LRRC7: variants seen among roughly 807,000 people sequenced by gnomAD.
LRRC7 encodes leucine-rich repeat-containing protein 7.
In LRRC7, 23 loss-of-function variants were observed where a neutral mutation model predicts 175.7. The ratio of observed to expected loss-of-function variants is 0.13; its 90% CI spans 0.09 to 0.19. The LOEUF is 0.19. LRRC7 is among the 10% of genes least tolerant of loss of function. LRRC7 has a pLI of 1.00. For synonymous variants in LRRC7, 685 were observed against 680.9 expected (o/e 1.01, Z -0.09); for missense variants, 1,354 against 1,904.7 (o/e 0.71, Z 5.38).
intron 2 of LRRC7, among the ~76,000 whole-genome samples, chr1:69,729,630 C>T (rs1667345772): frequency 6.6e-6 from 1 of 152,240 alleles, no homozygotes; most frequent in Non-Finnish European, 1.5e-5. Context: ...AGCCCTGCCC[C>T]TGTGGCTTTG....
At chr1:69,962,118 A>G (rs191347954) in intron 8 of LRRC7, among the ~76,000 whole-genome samples, 1 of 152,292 alleles carries the variant, frequency 6.6e-6, no homozygotes, top group Admixed American at 6.5e-5. Context: ...TCCAGCATCT[A>G]TAAGGAATTA....
rs563258234 is a variant in LRRC7, at chr1:69,661,899, A to T, written c.3-16482A>T. The stretch of plus-strand genomic sequence containing the variant: ...CATGCTTTTCTTACAAAAGCATTAC[A>T]TTCCCTCCACACACATTTTTTATTC... On this transcript the variant is annotated intron_variant, in intron 1 of 26. Coordinates refer to ENST00000651989, the MANE Select transcript of LRRC7 (RefSeq NM_001370785.2). 6.8e-4 allele frequency among the ~76,000 whole-genome samples: 104 copies of T among 152,262 alleles called. 1 individual carries two copies. The highest frequency in any genetic ancestry group is 1.0e-3 in the Non-Finnish European group (70 of 67,990).
chr1:69,921,135 G>C (rs1302182111), intron 7 of LRRC7, among the ~76,000 whole-genome samples: 1 of 152,146 alleles, frequency 6.6e-6, no homozygotes, highest in African/African-American at 2.4e-5. Flanking sequence ...GATCTGGGGG[G>C]AGAAAGGAGA....
intron 2 of LRRC7, among the ~76,000 whole-genome samples, chr1:69,742,451 A>G (rs182934202): frequency 0.012 from 1,594 of 129,488 alleles, 34 homozygotes; most frequent in African/African-American, 0.04. Flanking sequence ...TTATATAATC[A>G]TATATTTTAT....
chr1:69,689,432 T>C (rs1661571744), intron 2 of LRRC7, among the ~76,000 whole-genome samples: 2 of 138,872 alleles, frequency 1.4e-5, no homozygotes, highest in African/African-American at 5.6e-5. Flanking sequence ...ATTCATCTTC[T>C]GCTTAACCCT....
At chr1:70,029,304 A>G (rs1157780435) in intron 18 of LRRC7, among the ~76,000 whole-genome samples, 1 of 152,174 alleles carries the variant, frequency 6.6e-6, no homozygotes, top group Non-Finnish European at 1.5e-5. Flanking sequence ...TAGTTGAGTG[A>G]TGGAGAATAT....
chr1:70,036,297 G>A, intron 19 of LRRC7, 65 bp downstream of exon 19: 2 of 1,450,490 alleles, frequency 1.4e-6, no homozygotes, highest in East Asian at 2.3e-5. Flanking sequence ...ATCGCCAGTT[G>A]TAAATTATGA....
At chr1:70,103,798 A>T (rs563181638) in intron 25 of LRRC7, among the ~76,000 whole-genome samples, 1 of 152,266 alleles carries the variant, frequency 6.6e-6, no homozygotes, top group African/African-American at 2.4e-5. Flanking sequence ...ATGGTATGTA[A>T]ATTAAACTTG....
chr1:69,756,986 C>T (rs1016988582), intron 2 of LRRC7, among the ~76,000 whole-genome samples: 1 of 151,866 alleles, frequency 6.6e-6, no homozygotes, highest in African/African-American at 2.4e-5. Context: ...GGGGAAAAAC[C>T]CCTACAAAGT....
chr1:69,673,515 C>G (rs541031225), intron 1 of LRRC7, among the ~76,000 whole-genome samples: 14 of 152,302 alleles, frequency 9.2e-5, no homozygotes, highest in African/African-American at 3.4e-4. Flanking sequence ...TTGAGAGTAG[C>G]TAGAACAGCT....
rs1192681509 is a variant in LRRC7 at position 70,036,759 on chromosome 1, T to G, written c.2288+135T>G. The G allele has an allele frequency of 3.3e-6, 3 of 902,368 alleles. No individual in the cohort carries two copies. In the East Asian group the frequency reaches 7.7e-5, roughly 23 times the overall value. 55.9% of individuals were successfully genotyped at this position (902,368 alleles called of 1,614,324 possible). A position where few individuals can be genotyped will look rare whatever the true frequency, so the allele number is the denominator to read the frequency against. On this transcript the variant is annotated intron_variant, in intron 20 of 26. Transcript: ENST00000651989. ...AAGACAGAAGGGGCAGGTAAGCAAA[T>G]GTTGTTCGCCTGGGACTGCCAGGAA...
chr1:69,889,496 G>A (rs1469157419), intron 7 of LRRC7, among the ~76,000 whole-genome samples: 1 of 152,114 alleles, frequency 6.6e-6, no homozygotes, highest in Non-Finnish European at 1.5e-5. Context: ...TCTTTACCAG[G>A]AGTAGATTCC....
chr1:69,818,389 A>G (rs1001842910), intron 4 of LRRC7, among the ~76,000 whole-genome samples: 4 of 151,968 alleles, frequency 2.6e-5, no homozygotes, highest in Admixed American at 6.6e-5. Flanking sequence ...CTTATCCTTC[A>G]TTCTCTTGAT....
At chr1:69,810,877 A>ATC in intron 4 of LRRC7, among the ~76,000 whole-genome samples, 1 of 152,296 alleles carries the variant, frequency 6.6e-6, no homozygotes, top group South Asian at 2.1e-4. Context: ...AGACCTCATG[A>ATC]CTAAAACACC....
In LRRC7 at chr1:70,135,293, C is replaced by G. The variant is rs1045544903; in HGVS notation, c.*13406C>G. 6.6e-6 allele frequency among the ~76,000 whole-genome samples: 1 copy of G among 152,216 alleles called. No individual in the cohort carries two copies. Among genetic ancestry groups the G allele is most frequent in the African/African-American group, 2.4e-5 (1 of 41,458 alleles). The stretch of plus-strand genomic sequence containing the variant: ...CAGGAGCAGGCTATGATCATCTCCT[C>G]AAAGCACGGGGGCTTGTGGCTTATT... On this transcript the variant is annotated 3_prime_UTR_variant, in exon 27 of 27. Coordinates refer to ENST00000651989, the MANE Select transcript of LRRC7 (RefSeq NM_001370785.2).
rs1284503527 is a variant in LRRC7 at position 70,122,034 on chromosome 1, CT to C, written c.*149del. 12 of 543,210 alleles carry C rather than the reference CT, an allele frequency of 2.2e-5. No homozygotes were observed. The highest frequency in any genetic ancestry group is 3.6e-5 in the Non-Finnish European group (11 of 305,540). 33.6% of individuals were successfully genotyped at this position (543,210 alleles called of 1,614,324 possible). On this transcript the variant is annotated 3_prime_UTR_variant, in exon 27 of 27. Transcript: ENST00000651989. The stretch of plus-strand genomic sequence containing the variant: ...ATACTATATGTTAGCACTGACCATC[CT>C]TAAAAAATGTTAACTCTATAAATAT...
chr1:69,725,827 T>G (rs1330355848), intron 2 of LRRC7, among the ~76,000 whole-genome samples: 1 of 152,210 alleles, frequency 6.6e-6, no homozygotes, highest in Non-Finnish European at 1.5e-5. Context: ...GAGCCCCACA[T>G]GACCCAGCAG....
chr1:69,978,468 C>T (rs1248659505), intron 8 of LRRC7, among the ~76,000 whole-genome samples: 2 of 152,234 alleles, frequency 1.3e-5, no homozygotes, highest in Admixed American at 1.3e-4. Flanking sequence ...CCCAGCCTGA[C>T]ATATAGGCAG....
At chr1:70,115,149 G>A (rs968829123) in intron 26 of LRRC7, among the ~76,000 whole-genome samples, 2 of 152,270 alleles carry the variant, frequency 1.3e-5, no homozygotes, top group East Asian at 3.9e-4. Context: ...GGTAAAGAAA[G>A]ACAACGGTTT....
Sources: allele counts gnomAD v4.1 joint callset (sites outside exome capture counted in the v4.1 genomes callset), GRCh38; gene constraint gnomAD v4.1.1; transcripts MANE v1.5; gene names NCBI Gene and HGNC (gene_info 2026-07-23, HGNC 2026-07-21).